ST7: variants seen among roughly 807,000 people sequenced by gnomAD.
The protein encoded by ST7 is suppressor of tumorigenicity 7 protein.
A neutral mutation model predicts 78.7 loss-of-function variants in ST7; 28 were observed. That is an observed-to-expected ratio of 0.36 (90% CI 0.26 to 0.49). ST7 has a LOEUF of 0.49. ST7 is among the 20% of genes least tolerant of loss of function. The probability of loss-of-function intolerance (pLI) is 0.99; values close to 1 mark genes in which losing one functional copy is unlikely to be tolerated. For missense variants in ST7, 418 were observed against 696.0 expected (o/e 0.60, Z 4.49); for synonymous variants, 247 against 249.6 (o/e 0.99, Z 0.10).
intron 1 of ST7, among the ~76,000 whole-genome samples, chr7:116,996,105 G>A (rs1224112677): frequency 2.2e-5 from 3 of 138,674 alleles, no homozygotes; most frequent in African/African-American, 2.8e-5. Flanking sequence ...TTTTTGAGAC[G>A]GAGTCTTGCT....
intron 14 of ST7, among the ~76,000 whole-genome samples, chr7:117,221,240 C>T (rs917286963): frequency 2.6e-5 from 4 of 152,164 alleles, no homozygotes; most frequent in African/African-American, 7.2e-5. Flanking sequence ...AGAGCACCAG[C>T]TTTTCTTGTT....
intron 13 of ST7, among the ~76,000 whole-genome samples, chr7:117,213,367 T>C (rs1225057763): frequency 6.6e-6 from 1 of 152,228 alleles, no homozygotes; most frequent in Non-Finnish European, 1.5e-5. Flanking sequence ...CTGGGTTCCA[T>C]GTTTAAAATG....
intron 9 of ST7, among the ~76,000 whole-genome samples, chr7:117,139,308 T>C (rs1221358413): frequency 1.3e-5 from 2 of 152,174 alleles, no homozygotes; most frequent in Admixed American, 1.3e-4. Context: ...CAGAAAACCT[T>C]TGTCAACATT....
At chr7:117,121,894 A>G (rs1392316435) in intron 3 of ST7, among the ~76,000 whole-genome samples, 1 of 151,970 alleles carries the variant, frequency 6.6e-6, no homozygotes, top group Non-Finnish European at 1.5e-5. Context: ...TTATAAGAGG[A>G]GAAAGTACAG....
chr7:117,054,444 T>C (rs1797958861), intron 1 of ST7, among the ~76,000 whole-genome samples: 1 of 152,214 alleles, frequency 6.6e-6, no homozygotes, highest in Admixed American at 6.5e-5. Flanking sequence ...GCGTCGCACA[T>C]GCATCCCGGA....
chr7:117,136,512 C>T, intron 8 of ST7: 1 of 561,532 alleles, frequency 1.8e-6, no homozygotes, highest in Non-Finnish European at 3.1e-6. Flanking sequence ...ACCTTTTTTC[C>T]TCCTGAGTTC....
At chr7:116,986,458 T>C (rs1203273917) in intron 1 of ST7, among the ~76,000 whole-genome samples, 9 of 152,184 alleles carry the variant, frequency 5.9e-5, no homozygotes, top group Admixed American at 5.9e-4. Context: ...ATCAAGAGCA[T>C]TTTCAGGGAT....
chr7:117,157,119 G>T (rs771178400), intron 9 of ST7, among the ~76,000 whole-genome samples: 2 of 152,136 alleles, frequency 1.3e-5, no homozygotes, highest in Non-Finnish European at 1.5e-5. Flanking sequence ...TCTGTTACTT[G>T]GTAGAATACA....
At chr7:116,994,273 A>G (rs1794553656) in intron 1 of ST7, among the ~76,000 whole-genome samples, 1 of 152,162 alleles carries the variant, frequency 6.6e-6, no homozygotes, top group African/African-American at 2.4e-5. Context: ...TCCTTTTATG[A>G]CTAACTTATT....
chr7:117,171,025 A>AT (rs748480663), intron 10 of ST7, 49 bp downstream of exon 10: 1 of 1,255,352 alleles, frequency 8.0e-7, no homozygotes, highest in Non-Finnish European at 1.1e-6. Context: ...CTTTTGATGT[A>AT]TTTTCCCTGA....
intron 9 of ST7, chr7:117,146,375 G>A (rs1805793345): frequency 6.6e-6 from 1 of 152,256 alleles, no homozygotes; most frequent in African/African-American, 2.4e-5. Flanking sequence ...AACAGAATAA[G>A]CCCAGGGGAG....
intron 2 of ST7, among the ~76,000 whole-genome samples, chr7:117,104,803 G>A (rs1044855045): frequency 6.6e-6 from 1 of 152,154 alleles, no homozygotes; most frequent in Non-Finnish European, 1.5e-5. Context: ...TCCTTGAAAG[G>A]TTGACAGAAA....
chr7:116,960,095 A>G (rs904830403), intron 1 of ST7, among the ~76,000 whole-genome samples: 6 of 152,092 alleles, frequency 3.9e-5, no homozygotes, highest in African/African-American at 1.2e-4. Context: ...ACAAAGTTTG[A>G]TGCTATGGCT....
At chr7:117,020,215 A>C in intron 1 of ST7, 1 of 214,522 alleles carries the variant, frequency 4.7e-6, no homozygotes, top group Non-Finnish European at 9.3e-6. Context: ...AAGCCCTGCT[A>C]TTGTCTTACT....
intron 13 of ST7, among the ~76,000 whole-genome samples, chr7:117,216,742 T>C (rs1183964402): frequency 6.6e-6 from 1 of 152,152 alleles, no homozygotes; most frequent in East Asian, 1.9e-4. Context: ...GTATTTGCTT[T>C]TGTTTAGTGA....
intron 1 of ST7, among the ~76,000 whole-genome samples, chr7:117,099,066 C>CAAAAAAAAAAAAAAAAAAAAAAAAA (rs55999217): frequency 1.1e-5 from 1 of 94,604 alleles, no homozygotes; most frequent in African/African-American, 3.8e-5. Context: ...AAAAAAAAAA[C>CAAAAAAAAAAAAAAAAAAAAAAAAA]AAAAAAAAAA....
In ST7 at chr7:117,191,033, A is replaced by C. The variant is rs529667956; in HGVS notation, c.1254+97A>C. On this transcript the variant is annotated intron_variant, in intron 12 of 15. Transcript: ENST00000323984. Reference sequence around the variant, plus strand: ...TCTCAAGTACACCGCTTATAAAAAAATGAATTGCAACCAACAAATGTTGAG... The same window carrying C: ...TCTCAAGTACACCGCTTATAAAAAACTGAATTGCAACCAACAAATGTTGAG... 9 of 971,192 alleles carry C rather than the reference A, an allele frequency of 9.3e-6. No individual in the cohort carries two copies. The South Asian group carries it at 1.3e-4, about 14-fold the overall frequency. The allele number at this position is 971,192 out of a possible 1,614,324, so 60.2% of individuals were successfully genotyped here.
chr7:116,954,594 A>G (rs1213688630), intron 1 of ST7: 2 of 152,180 alleles, frequency 1.3e-5, no homozygotes, highest in African/African-American at 4.8e-5. Flanking sequence ...AAGAAAACAC[A>G]CGAGCCTTAA....
At position 117,081,474 on chromosome 7, in the gene ST7, G is replaced by T. The variant is rs62470808; in HGVS notation, c.152-18288G>T. Among the ~76,000 whole-genome samples the T allele has an allele frequency of 9.6e-3, 1,454 of 152,106 alleles. 11 individuals carry two copies. Among genetic ancestry groups the T allele is most frequent in the Admixed American group, 0.017 (264 of 15,286 alleles). Reference sequence around the variant, plus strand: ...AATCATTTCCTTTATTATTTTTATAGAAATTATTTTAAGTGTGATTTGGCA... The same window carrying T: ...AATCATTTCCTTTATTATTTTTATATAAATTATTTTAAGTGTGATTTGGCA... On this transcript the variant is annotated intron_variant, in intron 1 of 15. Transcript: ENST00000323984.
Sources: allele counts gnomAD v4.1 joint callset (sites outside exome capture counted in the v4.1 genomes callset), GRCh38; gene constraint gnomAD v4.1.1; transcripts MANE v1.5; gene names NCBI Gene and HGNC (gene_info 2026-07-23, HGNC 2026-07-21).